CDK19: variants seen among roughly 807,000 people sequenced by gnomAD.
The protein encoded by CDK19 is cyclin dependent kinase 19, also known as cyclin-dependent kinase 19.
Under a neutral mutation model 68.3 loss-of-function variants are expected in CDK19, and 20 were observed. That is an observed-to-expected ratio of 0.29 (90% CI 0.21 to 0.43). The LOEUF is 0.43. Among genes scored for constraint, CDK19 ranks in the 20% least tolerant of loss-of-function variants. The pLI is 1.00. For missense variants in CDK19, 339 were observed against 623.5 expected (o/e 0.54, Z 4.86); for synonymous variants, 221 against 222.8 (o/e 0.99, Z 0.07).
At chr6:110,762,777 G>A (rs759132431) in intron 1 of CDK19, among the ~76,000 whole-genome samples, 1 of 152,130 alleles carries the variant, frequency 6.6e-6, no homozygotes, top group Non-Finnish European at 1.5e-5. Context: ...AGGAATATGA[G>A]TTTTTGACAA....
intron 5 of CDK19, among the ~76,000 whole-genome samples, chr6:110,636,360 A>G (rs531979922): frequency 1.3e-5 from 2 of 152,366 alleles, no homozygotes; most frequent in South Asian, 4.1e-4. Flanking sequence ...TAAAGAAGTA[A>G]TTTTAGAGGG....
At chr6:110,643,317 C>A in intron 4 of CDK19, 1 of 632,084 alleles carries the variant, frequency 1.6e-6, no homozygotes, top group Non-Finnish European at 2.5e-6. Context: ...ACCATAAAAG[C>A]TGAAAGTAAA....
At position 110,806,340 on chromosome 6, in the gene CDK19, C is replaced by CAA. The variant is rs57577772; in HGVS notation, c.128+8667_128+8668dup. Among the ~76,000 whole-genome samples, 116 of 141,830 alleles carry CAA rather than the reference C, an allele frequency of 8.2e-4. 2 individuals are homozygous for CAA. Among genetic ancestry groups the CAA allele is most frequent in the Admixed American group, 2.1e-3 (30 of 14,254 alleles). 93.0% of individuals were successfully genotyped at this position (141,830 alleles called of 152,430 possible). A position where few individuals can be genotyped will look rare whatever the true frequency, so the allele number is the denominator to read the frequency against. On this transcript the variant is annotated intron_variant, in intron 1 of 12. Transcript: ENST00000368911. ...GGGCAAGAAGAGCGAAACTCCATCT[C>CAA]AAAAAAAAAAAAAAATTATTATTGT... is the stretch of plus-strand genomic sequence containing the variant.
chr6:110,635,965 A>G (rs1779752955), intron 5 of CDK19, among the ~76,000 whole-genome samples: 1 of 152,248 alleles, frequency 6.6e-6, no homozygotes, highest in South Asian at 2.1e-4. Flanking sequence ...TTAATAAACT[A>G]TCTTGATTGT....
At position 110,746,144 on chromosome 6, in the gene CDK19, C is replaced by A; in HGVS notation, c.186G>T (p.Ser62=). ...CACTTACTGCAATCTCTCTACAAGC[C>A]GACATGGATATTCCTGTGCCTTCAA... The part of the protein sequence containing the change: ...KQIEGTGISM[S]ACREIALLRE... Residue 62 remains serine (S), a synonymous_variant, in exon 2 of 13, where the codon TCG becomes TCT. Coordinates refer to ENST00000368911, the MANE Select transcript of CDK19 (RefSeq NM_015076.5). 2 of 1,593,644 alleles carry A rather than the reference C, an allele frequency of 1.3e-6. No homozygotes were observed. The highest frequency in any genetic ancestry group is 1.7e-5 in the Admixed American group (1 of 57,354).
chr6:110,782,757 G>C (rs1374640902), intron 1 of CDK19, among the ~76,000 whole-genome samples: 1 of 151,994 alleles, frequency 6.6e-6, no homozygotes, highest in Admixed American at 6.6e-5. Flanking sequence ...TTCTCCATCA[G>C]GTTAAACACC....
chr6:110,632,971 AG>A (rs1323805384), intron 5 of CDK19, among the ~76,000 whole-genome samples: 29 of 152,332 alleles, frequency 1.9e-4, no homozygotes, highest in South Asian at 1.9e-3. Flanking sequence ...CTGTAATTCC[AG>A]CACTTTGGGA....
chr6:110,614,686 A>T lies in CDK19; in HGVS notation c.1378-20T>A. On this transcript the variant is annotated intron_variant, in intron 12 of 12. Transcript: ENST00000368911. ...GGAGTGCTAGGAGAAGGAAACAGGA[A>T]AAGGGAATTACTGATGGAGGAAGAG... 2 of 1,613,342 alleles carry T rather than the reference A, an allele frequency of 1.2e-6. No individual in the cohort carries two copies. Among genetic ancestry groups the T allele is most frequent in the East Asian group, 4.5e-5 (2 of 44,878 alleles).
intron 12 of CDK19, 56 bp from the exon 13 acceptor site, chr6:110,614,722 G>C: frequency 6.3e-7 from 1 of 1,581,930 alleles, no homozygotes; most frequent in Admixed American, 1.7e-5. Context: ...GATGACTCAA[G>C]ATGCTCATCA....
At chr6:110,630,493 T>G (rs1348800846) in intron 6 of CDK19, among the ~76,000 whole-genome samples, 1 of 152,180 alleles carries the variant, frequency 6.6e-6, no homozygotes, top group Non-Finnish European at 1.5e-5. Flanking sequence ...GAGACCTAAA[T>G]GACAGAAAAA....
chr6:110,737,545 A>T (rs1487556082), intron 2 of CDK19, among the ~76,000 whole-genome samples: 1 of 152,208 alleles, frequency 6.6e-6, no homozygotes, highest in Non-Finnish European at 1.5e-5. Flanking sequence ...CAGACAACAG[A>T]CAGATACACG....
chr6:110,734,847 G>C (rs1777118060), intron 2 of CDK19, among the ~76,000 whole-genome samples: 1 of 152,008 alleles, frequency 6.6e-6, no homozygotes, highest in Admixed American at 6.6e-5. Context: ...TACATCCTCA[G>C]CATTTAGCAC....
intron 1 of CDK19, among the ~76,000 whole-genome samples, chr6:110,813,002 T>C (rs1376831206): frequency 6.6e-6 from 1 of 151,184 alleles, no homozygotes; most frequent in Non-Finnish European, 1.5e-5. Context: ...GTTTTTCTTA[T>C]ACGTAATACA....
chr6:110,637,176 G>T (rs1388700967), intron 5 of CDK19, among the ~76,000 whole-genome samples: 1 of 152,248 alleles, frequency 6.6e-6, no homozygotes, highest in African/African-American at 2.4e-5. Flanking sequence ...ATATTGCAAT[G>T]TATAGTAAAC....
At chr6:110,772,488 A>G (rs1207866820) in intron 1 of CDK19, among the ~76,000 whole-genome samples, 2 of 152,166 alleles carry the variant, frequency 1.3e-5, no homozygotes, top group Non-Finnish European at 2.9e-5. Context: ...AAACCATATC[A>G]CACTTACTTG....
chr6:110,757,962 G>A (rs919327003), intron 1 of CDK19, among the ~76,000 whole-genome samples: 1 of 152,126 alleles, frequency 6.6e-6, no homozygotes, highest in African/African-American at 2.4e-5. Flanking sequence ...AGGCCAAGGT[G>A]GGTGAATTGC....
chr6:110,701,464 A>C (rs1416941104), intron 2 of CDK19, among the ~76,000 whole-genome samples: 1 of 151,226 alleles, frequency 6.6e-6, no homozygotes, highest in African/African-American at 2.4e-5. Context: ...AGGCAGGAGA[A>C]TGGCGTGAAC....
intron 2 of CDK19, among the ~76,000 whole-genome samples, chr6:110,672,467 C>T (rs896293544): frequency 6.6e-6 from 1 of 152,104 alleles, no homozygotes; most frequent in African/African-American, 2.4e-5. Context: ...CATTTTAAGT[C>T]CTGTGTTAAA....
chr6:110,813,901 T>C (rs556300907), intron 1 of CDK19: 3 of 152,360 alleles, frequency 2.0e-5, no homozygotes, highest in African/African-American at 7.2e-5. Flanking sequence ...TCCGTAGAGT[T>C]TGACTCTCTT....
Sources: allele counts gnomAD v4.1 joint callset (sites outside exome capture counted in the v4.1 genomes callset), GRCh38; gene constraint gnomAD v4.1.1; transcripts MANE v1.5; gene names NCBI Gene and HGNC (gene_info 2026-07-23, HGNC 2026-07-21).